Variants in LRRIQ3 observed in about 807,000 individuals in gnomAD.
LRRIQ3 encodes the protein leucine-rich repeat and IQ domain-containing protein 3.
A neutral mutation model predicts 59.3 loss-of-function variants in LRRIQ3; 75 were observed. The observed-to-expected ratio is 1.26, with a 90% CI of 1.05 to 1.53. The LOEUF (loss-of-function observed/expected upper bound fraction) is 1.53. Ranked by LOEUF, LRRIQ3 falls within the 40% of genes most tolerant of loss-of-function variation. LRRIQ3 has a pLI of 0.00. For missense variants in LRRIQ3, 831 were observed against 710.0 expected, an observed-to-expected ratio of 1.17 and a Z score of -1.94; for synonymous variants, 250 against 231.3, an observed-to-expected ratio of 1.08 and a Z score of -0.73.
At chr1:74,094,275 A>T (rs1646425012) in intron 5 of LRRIQ3, among the ~76,000 whole-genome samples, 2 of 152,108 alleles carry the variant, frequency 1.3e-5, no homozygotes. Context: ...TTCAGCTCAT[A>T]ACACTTTATA....
At chr1:74,168,446 CATTTT>C (rs980757621) in intron 3 of LRRIQ3, among the ~76,000 whole-genome samples, 3 of 152,002 alleles carry the variant, frequency 2.0e-5, no homozygotes, top group African/African-American at 4.8e-5. Context: ...ATTTTTCCAT[CATTTT>C]ATTTTCAATT....
intron 6 of LRRIQ3, among the ~76,000 whole-genome samples, chr1:74,053,600 G>A (rs1241035718): frequency 1.3e-5 from 2 of 152,062 alleles, no homozygotes; most frequent in Non-Finnish European, 2.9e-5. Context: ...AAGGCAGGAG[G>A]ATTGCTTGAG....
intron 1 of LRRIQ3, among the ~76,000 whole-genome samples, chr1:74,188,516 T>C (rs1650554971): frequency 6.6e-6 from 1 of 152,212 alleles, no homozygotes; most frequent in Non-Finnish European, 1.5e-5. Context: ...TCTCTCAGTG[T>C]AACCTTCTTT....
At chr1:74,121,032 T>C (rs1446361309) in intron 4 of LRRIQ3, among the ~76,000 whole-genome samples, 1 of 152,182 alleles carries the variant, frequency 6.6e-6, no homozygotes, top group Non-Finnish European at 1.5e-5. Flanking sequence ...ATTAAAATTG[T>C]ACCAACCTTA....
intron 5 of LRRIQ3, among the ~76,000 whole-genome samples, chr1:74,088,464 T>C (rs1424319062): frequency 6.6e-6 from 1 of 152,076 alleles, no homozygotes; most frequent in Non-Finnish European, 1.5e-5. Context: ...GCCAAAATTA[T>C]ATATACAGAC....
intron 5 of LRRIQ3, among the ~76,000 whole-genome samples, chr1:74,088,474 C>T (rs1215515511): frequency 6.6e-6 from 1 of 151,928 alleles, no homozygotes; most frequent in Non-Finnish European, 1.5e-5. Context: ...TATATACAGA[C>T]ATACGTATCA....
chr1:74,059,568 T>C (rs1654640092), intron 6 of LRRIQ3, among the ~76,000 whole-genome samples: 1 of 152,100 alleles, frequency 6.6e-6, no homozygotes, highest in Non-Finnish European at 1.5e-5. Flanking sequence ...TGTCTTTCAT[T>C]ATGCCAGTTT....
In LRRIQ3 at chr1:74,041,583, G is replaced by A. The variant is rs772962612; in HGVS notation, c.1348C>T (p.Arg450Ter). ...TTAACAGCTACTCTAACTCTTTCTCGAGCAACTTGTGCCATGGCTACAACT... is the reference window on the plus strand; with the variant it reads ...TTAACAGCTACTCTAACTCTTTCTCAAGCAACTTGTGCCATGGCTACAACT... ...VRVVAMAQVA[R>*]ERVRVAVNEH... The change falls in exon 7 of 8, where the codon CGA becomes TGA. Residue 450 changes from arginine (R) to a stop codon, truncating the protein, a stop_gained. Transcript: ENST00000354431. LOFTEE classifies it high-confidence loss of function. 3.8e-5 allele frequency: 61 copies of A among 1,613,488 alleles called. No homozygotes were observed. The East Asian group carries it at 5.4e-4, about 14-fold the overall frequency.
intron 4 of LRRIQ3, among the ~76,000 whole-genome samples, chr1:74,151,602 G>C (rs935299905): frequency 6.6e-6 from 1 of 151,686 alleles, no homozygotes; most frequent in Non-Finnish European, 1.5e-5. Context: ...GGGGTGGGGG[G>C]GATGGGCATT....
chr1:74,043,189 A>T (rs1386572723), intron 6 of LRRIQ3, among the ~76,000 whole-genome samples: 1 of 152,146 alleles, frequency 6.6e-6, no homozygotes, highest in Admixed American at 6.6e-5. Context: ...TATAAAAGTT[A>T]TGCTTGTTAA....
rs572381755 is a variant in LRRIQ3 at position 74,086,352 on chromosome 1, C to T, written c.868-11562G>A. 1.2e-4 allele frequency among the ~76,000 whole-genome samples: 19 copies of T among 152,142 alleles called. No individual in the cohort carries two copies. In the East Asian group the frequency reaches 1.9e-3, roughly 16 times the overall value. On this transcript the variant is annotated intron_variant, in intron 5 of 7. Transcript: ENST00000354431. ...ATACCTGATGACAGATTCCATTAAC[C>T]GACTTTTAATCTTAACCTGGTCCAA...
intron 5 of LRRIQ3, among the ~76,000 whole-genome samples, chr1:74,108,257 G>C (rs550818379): frequency 5.3e-5 from 8 of 151,754 alleles, no homozygotes; most frequent in Non-Finnish European, 1.2e-4. Context: ...AAAAAAGCAG[G>C]TGGTATGCTC....
At chr1:74,071,195 C>G (rs140562638) in intron 6 of LRRIQ3, among the ~76,000 whole-genome samples, 13 of 151,814 alleles carry the variant, frequency 8.6e-5, no homozygotes, top group African/African-American at 3.1e-4. Flanking sequence ...CTTTTAGAGA[C>G]AGGGTCTCGC....
chr1:74,194,735 T>C (rs1270589517), intron 1 of LRRIQ3, among the ~76,000 whole-genome samples: 1 of 152,130 alleles, frequency 6.6e-6, no homozygotes, highest in Non-Finnish European at 1.5e-5. Context: ...ATAAAGAAAT[T>C]AGCACGACAA....
intron 5 of LRRIQ3, among the ~76,000 whole-genome samples, chr1:74,092,651 A>G (rs1362738308): frequency 6.6e-6 from 1 of 152,070 alleles, no homozygotes; most frequent in Non-Finnish European, 1.5e-5. Flanking sequence ...AGAGAAAAAA[A>G]AATCTGGGTT....
chr1:74,100,388 C>A (rs1398147415), intron 5 of LRRIQ3, among the ~76,000 whole-genome samples: 2 of 152,120 alleles, frequency 1.3e-5, no homozygotes, highest in East Asian at 3.9e-4. Flanking sequence ...CTACAAACCA[C>A]TGCTCAACAA....
intron 5 of LRRIQ3, among the ~76,000 whole-genome samples, chr1:74,102,193 A>T (rs191137933): frequency 6.6e-6 from 1 of 152,176 alleles, no homozygotes; most frequent in African/African-American, 2.4e-5. Flanking sequence ...AGAAAAGAAT[A>T]AAAATGAAAC....
intron 5 of LRRIQ3, among the ~76,000 whole-genome samples, chr1:74,094,284 T>C (rs1367990508): frequency 2.0e-5 from 3 of 152,074 alleles, no homozygotes; most frequent in African/African-American, 7.2e-5. Flanking sequence ...TAACACTTTA[T>C]AGGCAAAAAG....
chr1:74,175,067 T>G (rs564841434), intron 3 of LRRIQ3, among the ~76,000 whole-genome samples: 1 of 152,158 alleles, frequency 6.6e-6, no homozygotes, highest in Non-Finnish European at 1.5e-5. Context: ...TTAAAGGTCT[T>G]CACCAGTCAG....
Sources: allele counts gnomAD v4.1 joint callset (sites outside exome capture counted in the v4.1 genomes callset), GRCh38; gene constraint gnomAD v4.1.1; transcripts MANE v1.5; gene names NCBI Gene and HGNC (gene_info 2026-07-23, HGNC 2026-07-21).